Variants in CADM2 observed in about 807,000 individuals in gnomAD.
CADM2 encodes cell adhesion molecule 2.
In CADM2, 12 loss-of-function variants were observed where a neutral mutation model predicts 49.8. The ratio of observed to expected loss-of-function variants is 0.24; its 90% CI spans 0.15 to 0.39. CADM2 has a LOEUF of 0.39. Ranked by LOEUF, CADM2 falls within the 10% of genes least tolerant of loss-of-function variation. The probability of loss-of-function intolerance (pLI) is 1.00; values close to 1 mark genes in which losing one functional copy is unlikely to be tolerated. For synonymous variants in CADM2, 214 were observed against 175.4 expected (o/e 1.22, Z -1.74); for missense variants, 378 against 492.3 (o/e 0.77, Z 2.20).
intron 3 of CADM2, among the ~76,000 whole-genome samples, chr3:85,869,657 GTTA>G (rs913195130): frequency 6.6e-6 from 1 of 151,128 alleles, no homozygotes; most frequent in South Asian, 2.1e-4. Context: ...TTTTTATATT[GTTA>G]TTATTATTAT....
chr3:85,243,114 A>T (rs990434196), intron 1 of CADM2, among the ~76,000 whole-genome samples: 5 of 151,910 alleles, frequency 3.3e-5, no homozygotes, highest in African/African-American at 1.2e-4. Flanking sequence ...TTAAAGAGAC[A>T]TTTGAAAAGA....
rs1237925757 is a variant in CADM2 at position 85,726,524 on chromosome 3, G to T, written c.64G>T (p.Ala22Ser). The change falls in exon 2 of 10, where the codon GCT (alanine) becomes TCT (serine). Residue 22 changes from alanine to serine, a missense_variant and splice_region_variant. Coordinates refer to ENST00000383699, the MANE Select transcript of CADM2 (RefSeq NM_001167675.2). ...YSVCGLLLQA[A>S]ASKNKVKGSQ... ...GTGCAACCTTTCCTTGGTACCAGCGGCTGCTTCAAAGAATAAAGTTAAAGG... is the reference window on the plus strand; with the variant it reads ...GTGCAACCTTTCCTTGGTACCAGCGTCTGCTTCAAAGAATAAAGTTAAAGG... The T allele has an allele frequency of 2.5e-6, 4 of 1,612,164 alleles. No individual in the cohort carries two copies. The highest frequency in any genetic ancestry group is 3.4e-6 in the Non-Finnish European group (4 of 1,178,816).
chr3:85,038,063 T>C (rs972949893), intron 1 of CADM2, among the ~76,000 whole-genome samples: 8 of 152,148 alleles, frequency 5.3e-5, no homozygotes, highest in Admixed American at 4.6e-4. Flanking sequence ...AAAATACCAA[T>C]GCCTGGTATA....
intron 3 of CADM2, among the ~76,000 whole-genome samples, chr3:85,864,205 A>G (rs768000256): frequency 1.6e-4 from 25 of 152,298 alleles, no homozygotes; most frequent in Middle Eastern, 3.4e-3. Flanking sequence ...TAAGATAGTT[A>G]TAAGCTTTTC....
intron 1 of CADM2, among the ~76,000 whole-genome samples, chr3:85,144,563 G>T (rs913226681): frequency 1.3e-5 from 2 of 149,312 alleles, no homozygotes; most frequent in African/African-American, 5.0e-5. Flanking sequence ...AGTGAGCCAA[G>T]ATCGCACCAC....
intron 1 of CADM2, among the ~76,000 whole-genome samples, chr3:85,444,835 T>C (rs2037371504): frequency 6.6e-6 from 1 of 152,182 alleles, no homozygotes; most frequent in African/African-American, 2.4e-5. Flanking sequence ...AATTAATTAA[T>C]ATAAGGCATT....
intron 1 of CADM2, among the ~76,000 whole-genome samples, chr3:85,168,627 C>T (rs753469499): frequency 3.9e-5 from 6 of 152,060 alleles, no homozygotes; most frequent in Non-Finnish European, 8.8e-5. Flanking sequence ...GTGTCTTTTG[C>T]CTTAATTTTA....
At chr3:85,038,602 A>G (rs2035312806) in intron 1 of CADM2, among the ~76,000 whole-genome samples, 1 of 152,216 alleles carries the variant, frequency 6.6e-6, no homozygotes, top group Non-Finnish European at 1.5e-5. Flanking sequence ...TTAGGAGCAG[A>G]GACTTGAGAT....
At chr3:85,147,350 G>C (rs917049764) in intron 1 of CADM2, among the ~76,000 whole-genome samples, 4 of 144,372 alleles carry the variant, frequency 2.8e-5, no homozygotes, top group Admixed American at 2.1e-4. Flanking sequence ...GGGATGACCA[G>C]ATTGTTTAGG....
At chr3:85,996,352 G>A (rs1284723824) in intron 8 of CADM2, among the ~76,000 whole-genome samples, 1 of 139,882 alleles carries the variant, frequency 7.1e-6, no homozygotes, top group Non-Finnish European at 1.5e-5. Context: ...AGGCTGGAGT[G>A]CAGTGGTGTG....
intron 1 of CADM2, among the ~76,000 whole-genome samples, chr3:85,619,935 C>A (rs1389377678): frequency 6.6e-6 from 1 of 152,160 alleles, no homozygotes; most frequent in East Asian, 1.9e-4. Flanking sequence ...AAACACAATT[C>A]AACTTGTCAA....
At chr3:85,434,469 A>G (rs1326538476) in intron 1 of CADM2, among the ~76,000 whole-genome samples, 1 of 152,014 alleles carries the variant, frequency 6.6e-6, no homozygotes, top group African/African-American at 2.4e-5. Flanking sequence ...AAGGGGCTAT[A>G]ATGTTTTAGA....
chr3:85,193,667 ACTC>A (rs1420072647), intron 1 of CADM2, among the ~76,000 whole-genome samples: 1 of 151,768 alleles, frequency 6.6e-6, no homozygotes, highest in Non-Finnish European at 1.5e-5. Flanking sequence ...TTTTACAGTC[ACTC>A]CTCACTCCAA....
At chr3:86,017,368 A>T (rs1732410202) in intron 8 of CADM2, among the ~76,000 whole-genome samples, 2 of 151,978 alleles carry the variant, frequency 1.3e-5, no homozygotes, top group Admixed American at 1.3e-4. Flanking sequence ...AAATTATTTG[A>T]TTTCTGAAGA....
At chr3:84,968,201 T>A (rs1455592766) in intron 1 of CADM2, among the ~76,000 whole-genome samples, 1 of 152,012 alleles carries the variant, frequency 6.6e-6, no homozygotes, top group Non-Finnish European at 1.5e-5. Context: ...CCATTCTGTG[T>A]CCAACTTCAG....
chr3:85,409,257 T>A (rs529124702), intron 1 of CADM2, among the ~76,000 whole-genome samples: 2 of 152,314 alleles, frequency 1.3e-5, no homozygotes, highest in South Asian at 4.1e-4. Context: ...CTTGCCTTTT[T>A]GTGTAATTTG....
intron 6 of CADM2, among the ~76,000 whole-genome samples, chr3:85,925,127 T>C (rs1719658680): frequency 6.9e-6 from 1 of 144,862 alleles, no homozygotes; most frequent in African/African-American, 2.7e-5. Flanking sequence ...AGTAATCTTC[T>C]TTGCTTCTGA....
chr3:85,548,889 T>C (rs2061732537), intron 1 of CADM2, among the ~76,000 whole-genome samples: 1 of 152,180 alleles, frequency 6.6e-6, no homozygotes, highest in South Asian at 2.1e-4. Context: ...TAAAAGTAGG[T>C]CATGTCATAC....
At chr3:85,383,429 A>G (rs181578169) in intron 1 of CADM2, among the ~76,000 whole-genome samples, 274 of 150,868 alleles carry the variant, frequency 1.8e-3, no homozygotes, top group Non-Finnish European at 3.5e-3. Context: ...AATTAGAAAT[A>G]TATCAGTCAT....
Sources: allele counts gnomAD v4.1 joint callset (sites outside exome capture counted in the v4.1 genomes callset), GRCh38; gene constraint gnomAD v4.1.1; transcripts MANE v1.5; gene names NCBI Gene and HGNC (gene_info 2026-07-23, HGNC 2026-07-21).